Variants in HDAC8 observed in about 807,000 individuals in gnomAD.
HDAC8 encodes the protein histone deacetylase 8.
A neutral mutation model predicts 32.2 loss-of-function variants in HDAC8; 1 was observed. That is an observed-to-expected ratio of 0.03 (90% CI 0.01 to 0.15). The LOEUF (loss-of-function observed/expected upper bound fraction) is 0.15, where lower values mean the gene tolerates loss of function less well. HDAC8 is among the 10% of genes least tolerant of loss of function. The pLI, the probability that HDAC8 is intolerant of heterozygous loss-of-function variation, is 1.00. For synonymous variants in HDAC8, 108 were observed against 113.9 expected (o/e 0.95, Z 0.33); for missense variants, 117 against 300.0 (o/e 0.39, Z 4.51).
At chrX:72,535,443 T>TTC (rs1414491748) in intron 4 of HDAC8, among the ~76,000 whole-genome samples, 1 of 111,116 alleles carries the variant, frequency 9.0e-6, no homozygotes, top group Non-Finnish European at 1.9e-5. Flanking sequence ...GTGTCTCTCC[T>TTC]TCTCTCTAGA....
intron 9 of HDAC8, among the ~76,000 whole-genome samples, chrX:72,395,695 G>A (rs1454292933): frequency 8.9e-6 from 1 of 112,196 alleles, no homozygotes; most frequent in Non-Finnish European, 1.9e-5. Context: ...TGTAATCAAA[G>A]GCAGTCTGGA....
chrX:72,420,889 TG>T (rs1388025724), intron 9 of HDAC8, among the ~76,000 whole-genome samples: 3 of 111,691 alleles, frequency 2.7e-5, no homozygotes, highest in African/African-American at 9.7e-5. Flanking sequence ...AGTTGGATTA[TG>T]TTTTTTTTTT....
At chrX:72,499,110 A>T (rs1409574118) in intron 4 of HDAC8, among the ~76,000 whole-genome samples, 2 of 111,813 alleles carry the variant, frequency 1.8e-5, no homozygotes, top group Non-Finnish European at 3.8e-5. Context: ...AGGCAGCCTG[A>T]AGCCCTCACC....
At chrX:72,502,464 G>A (rs1180623725) in intron 4 of HDAC8, among the ~76,000 whole-genome samples, 1 of 111,058 alleles carries the variant, frequency 9.0e-6, no homozygotes, top group African/African-American at 3.3e-5. Context: ...ATCTATTGAG[G>A]GTGGAGGGTG....
At chrX:72,412,140 G>A (rs782022932) in intron 9 of HDAC8, among the ~76,000 whole-genome samples, 1 of 111,899 alleles carries the variant, frequency 8.9e-6, no homozygotes, top group South Asian at 3.7e-4. Context: ...AATGAAATAA[G>A]AGCACAGACA....
At chrX:72,571,553 C>CTTTTTTTTTTTTTTTTTTT (rs782331910) in intron 2 of HDAC8, among the ~76,000 whole-genome samples, 6 of 30,447 alleles carry the variant, frequency 2.0e-4, no homozygotes, top group African/African-American at 2.1e-4. Context: ...TTCTTTCTTT[C>CTTTTTTTTTTTTTTTTTTT]TTTTTTTTTT....
intron 9 of HDAC8, among the ~76,000 whole-genome samples, chrX:72,397,813 A>G (rs1265505506): frequency 8.9e-6 from 1 of 112,399 alleles, no homozygotes; most frequent in Non-Finnish European, 1.9e-5. Context: ...TCACATTGTT[A>G]TTGGCATCAG....
At chrX:72,443,982 C>G (rs1197044441) in intron 9 of HDAC8, among the ~76,000 whole-genome samples, 5 of 108,005 alleles carry the variant, frequency 4.6e-5, no homozygotes, top group Middle Eastern at 4.7e-3. Context: ...CAAGACTAAA[C>G]CAGGAAGAAG....
chrX:72,492,835 C>T, intron 5 of HDAC8, among the ~76,000 whole-genome samples: 1 of 111,712 alleles, frequency 9.0e-6, no homozygotes, highest in Non-Finnish European at 1.9e-5. Context: ...TGAGCCACTA[C>T]TATATGCATA....
chrX:72,504,683 A>T (rs185146537), intron 4 of HDAC8, among the ~76,000 whole-genome samples: 1 of 111,932 alleles, frequency 8.9e-6, no homozygotes, highest in Non-Finnish European at 1.9e-5. Flanking sequence ...TCGTTTGAGT[A>T]CTTGTTTGCA....
At chrX:72,393,825 T>C (rs781986217) in intron 9 of HDAC8, among the ~76,000 whole-genome samples, 86 of 112,350 alleles carry the variant, frequency 7.7e-4, no homozygotes, top group Non-Finnish European at 1.3e-3. Flanking sequence ...GATGGATGAA[T>C]GTAATGATGA....
At chrX:72,546,268 C>G (rs1272320368) in intron 4 of HDAC8, among the ~76,000 whole-genome samples, 3 of 111,413 alleles carry the variant, frequency 2.7e-5, no homozygotes, top group African/African-American at 9.8e-5. Flanking sequence ...AGTAATTTCT[C>G]CCTCTCTTAG....
chrX:72,538,185 CTTT>C (rs782378380), intron 4 of HDAC8, among the ~76,000 whole-genome samples: 1 of 95,548 alleles, frequency 1.0e-5, no homozygotes. Context: ...TTTTGTTTTT[CTTT>C]TTTTTTTTTT....
chrX:72,543,418 G>A (rs1351997079), intron 4 of HDAC8, among the ~76,000 whole-genome samples: 1 of 111,581 alleles, frequency 9.0e-6, no homozygotes, highest in African/African-American at 3.3e-5. Context: ...CGTGGGACTT[G>A]TGAAAGGGAA....
intron 9 of HDAC8, among the ~76,000 whole-genome samples, chrX:72,372,897 A>G (rs1281020597): frequency 8.9e-6 from 1 of 111,809 alleles, no homozygotes; most frequent in African/African-American, 3.3e-5. Flanking sequence ...GCTATTATTT[A>G]TTACGATGAG....
rs2043471285 is a variant in HDAC8, at chrX:72,329,969, A to G, written c.*85T>C. On this transcript the variant is annotated 3_prime_UTR_variant, in exon 11 of 11. Coordinates refer to ENST00000373573, the MANE Select transcript of HDAC8 (RefSeq NM_018486.3). ...CTTTCAAATTTTCCCTGCAGTCACA[A>G]ATTCCACAAACTGCTTGCATAAACA... 3.0e-6 allele frequency: 3 copies of G among 987,838 alleles called. No individual in the cohort carries two copies. The highest frequency in any genetic ancestry group is 4.3e-6 in the Non-Finnish European group (3 of 702,963). The allele number at this position is 987,838 out of a possible 1,213,427, so 81.4% of individuals were successfully genotyped here. A position where few individuals can be genotyped will look rare whatever the true frequency, so the allele number is the denominator to read the frequency against.
At chrX:72,465,274 T>C (rs953845439) in intron 7 of HDAC8, among the ~76,000 whole-genome samples, 1 of 111,667 alleles carries the variant, frequency 9.0e-6, no homozygotes, top group Non-Finnish European at 1.9e-5. Flanking sequence ...TCCTCCCTAA[T>C]GCATATGTAA....
chrX:72,484,213 G>A lies in HDAC8; in HGVS notation c.737+4720C>T, dbSNP rs782802253. 1.7e-4 allele frequency among the ~76,000 whole-genome samples: 19 copies of A among 111,519 alleles called. 1 individual carries two copies. The South Asian group carries it at 7.2e-3, about 42-fold the overall frequency. On this transcript the variant is annotated intron_variant, in intron 7 of 10. Transcript: ENST00000373573. Reference sequence around the variant, plus strand: ...TAAGCCATAGAACTCAAGGCAAATAGGCCAAGGACCAAATACAGGTAGGTT... The same window carrying A: ...TAAGCCATAGAACTCAAGGCAAATAAGCCAAGGACCAAATACAGGTAGGTT...
chrX:72,411,226 C>A (rs113195616), intron 9 of HDAC8, among the ~76,000 whole-genome samples: 6,036 of 109,766 alleles, frequency 0.055, 429 homozygotes, highest in African/African-American at 0.19. Context: ...GGGTTTCAAC[C>A]TGTTGGCCAG....
Sources: gnomAD v4.1 joint callset for allele counts (sites outside exome capture counted in the v4.1 genomes callset) on GRCh38, gnomAD v4.1.1 for gene constraint, MANE v1.5 for transcripts, NCBI Gene and HGNC (gene_info 2026-07-23, HGNC 2026-07-21) for gene names.